The following LMO7 variants were observed in gnomAD, a reference collection of about 807,000 sequenced individuals.
The protein encoded by LMO7 is LIM domain only protein 7.
A neutral mutation model predicts 206.5 loss-of-function variants in LMO7; 120 were observed. The ratio of observed to expected loss-of-function variants is 0.58; its 90% confidence interval spans 0.50 to 0.68. The LOEUF (loss-of-function observed/expected upper bound fraction) is 0.68, where lower values mean the gene tolerates loss of function less well. Ranked by LOEUF, LMO7 falls within the 30% of genes least tolerant of loss-of-function variation. The pLI, the probability that LMO7 is intolerant of heterozygous loss-of-function variation, is 0.00. For synonymous variants in LMO7, 706 were observed against 681.5 expected (o/e 1.04, Z -0.56); for missense variants, 1,959 against 1,957.9 (o/e 1.00, Z -0.01).
chr13:75,788,305 A>G (rs1385615355), intron 4 of LMO7, among the ~76,000 whole-genome samples: 1 of 152,000 alleles, frequency 6.6e-6, no homozygotes, highest in East Asian at 1.9e-4. Context: ...TAAAAATACA[A>G]AAAATTAGCC....
intron 2 of LMO7, among the ~76,000 whole-genome samples, chr13:75,724,551 G>C (rs1268880836): frequency 2.0e-5 from 3 of 152,158 alleles, no homozygotes; most frequent in Admixed American, 1.3e-4. Context: ...ATTATGCAAA[G>C]AAGTTCTATT....
intron 1 of LMO7, among the ~76,000 whole-genome samples, chr13:75,657,855 AACAGATTCTTTGCTTTGATGTC>A (rs2038201666): frequency 6.6e-6 from 1 of 152,136 alleles, no homozygotes; most frequent in African/African-American, 2.4e-5. Flanking sequence ...TTCTTTCTTG[AACAGATTCTTTGCTTTGATGTC>A]ACAGTCAGGC....
chr13:75,786,765 A>T (rs1393400484), intron 4 of LMO7, among the ~76,000 whole-genome samples: 2 of 152,104 alleles, frequency 1.3e-5, no homozygotes, highest in African/African-American at 2.4e-5. Context: ...TCCACTAATT[A>T]CATCTCTAGT....
intron 2 of LMO7, among the ~76,000 whole-genome samples, chr13:75,721,127 A>G (rs1361075785): frequency 6.6e-6 from 1 of 152,226 alleles, no homozygotes; most frequent in Admixed American, 6.5e-5. Flanking sequence ...AGTAGAGAAT[A>G]TCAAGGTTTG....
chr13:75,824,252 A>G (rs2057894018), intron 15 of LMO7, among the ~76,000 whole-genome samples: 2 of 152,176 alleles, frequency 1.3e-5, no homozygotes, highest in African/African-American at 4.8e-5. Flanking sequence ...TGGGTGACAG[A>G]AGCCCTTTCC....
At chr13:75,741,855 A>G (rs919210862) in intron 3 of LMO7, among the ~76,000 whole-genome samples, 6 of 152,198 alleles carry the variant, frequency 3.9e-5, no homozygotes, top group African/African-American at 1.4e-4. Context: ...ACTCCTACTC[A>G]ACATAGTACT....
At chr13:75,677,526 T>C (rs1411435973) in intron 1 of LMO7, among the ~76,000 whole-genome samples, 1 of 152,116 alleles carries the variant, frequency 6.6e-6, no homozygotes, top group Admixed American at 6.5e-5. Context: ...TGAAGTTACA[T>C]AATCCAGCCA....
chr13:75,682,779 A>C (rs1424878812), intron 1 of LMO7, among the ~76,000 whole-genome samples: 1 of 152,200 alleles, frequency 6.6e-6, no homozygotes, highest in East Asian at 1.9e-4. Flanking sequence ...AACGCATGTC[A>C]TATGATTTTG....
At chr13:75,852,182 A>T (rs1240699483) in intron 27 of LMO7, among the ~76,000 whole-genome samples, 6 of 152,216 alleles carry the variant, frequency 3.9e-5, no homozygotes, top group Non-Finnish European at 8.8e-5. Flanking sequence ...TATTTTTCTT[A>T]GTGTATTTCT....
chr13:75,669,405 C>T (rs573215358), intron 1 of LMO7, among the ~76,000 whole-genome samples: 98 of 152,212 alleles, frequency 6.4e-4, no homozygotes, highest in African/African-American at 2.2e-3. Context: ...GTATGTTATC[C>T]GCAAATTAGG....
At chr13:75,763,920 T>C (rs1253584378) in intron 4 of LMO7, among the ~76,000 whole-genome samples, 2 of 152,206 alleles carry the variant, frequency 1.3e-5, no homozygotes, top group East Asian at 3.9e-4. Flanking sequence ...GTTTTCTAGC[T>C]ATCTGAAGTT....
At chr13:75,761,452 G>A (rs79936128) in intron 4 of LMO7, among the ~76,000 whole-genome samples, 6,676 of 152,178 alleles carry the variant, frequency 0.044, 250 homozygotes, top group South Asian at 0.19. Context: ...AAATTAGATA[G>A]GACAGTAGTA....
intron 1 of LMO7, among the ~76,000 whole-genome samples, chr13:75,710,457 A>G (rs1003260098): frequency 3.3e-5 from 5 of 151,956 alleles, no homozygotes; most frequent in African/African-American, 9.7e-5. Flanking sequence ...ATTTGTTTGT[A>G]TCCTCTTTTA....
exon 1 of LMO7, chr13:75,620,498 T>C (rs1022462332): frequency 2.6e-5 from 4 of 152,194 alleles, no homozygotes; most frequent in African/African-American, 9.7e-5. Flanking sequence ...CAAACATTAA[T>C]GAGCATATGA....
chr13:75,852,284 C>T (rs2060561321), intron 27 of LMO7, among the ~76,000 whole-genome samples: 1 of 152,124 alleles, frequency 6.6e-6, no homozygotes, highest in Middle Eastern at 3.2e-3. Flanking sequence ...GGGAGCTAAA[C>T]ATTGAGTACA....
chr13:75,813,861 C>T (rs2056705702), intron 11 of LMO7, among the ~76,000 whole-genome samples: 1 of 152,188 alleles, frequency 6.6e-6, no homozygotes, highest in African/African-American at 2.4e-5. Context: ...ATATTAGCAT[C>T]CTTTTTTGTT....
At chr13:75,838,853 T>A (rs2059359827) in intron 20 of LMO7, among the ~76,000 whole-genome samples, 1 of 152,192 alleles carries the variant, frequency 6.6e-6, no homozygotes, top group South Asian at 2.1e-4. Flanking sequence ...CACGTTTGCC[T>A]AATGCTCTGT....
Position 75,859,327 on chromosome 13 carries a change from C to A in LMO7, c.*1384C>A, listed in dbSNP as rs2061154724. The A allele has an allele frequency of 2.0e-5, 3 of 152,082 alleles. No individual in the cohort carries two copies. 9.4% of individuals were successfully genotyped at this position (152,082 alleles called of 1,614,324 possible). A position where few individuals can be genotyped will look rare whatever the true frequency, so the allele number is the denominator to read the frequency against. On this transcript the variant is annotated 3_prime_UTR_variant, in exon 31 of 31. Transcript: ENST00000377534. ...GGATAACTTGTCAAATGCCCCAAAG[C>A]ATAAAGAATATAATTCTGAATCCCA...
At chr13:75,632,862 G>GTTTTTTTTTTTTTTTTT (rs10690832), upstream of LMO7, among the ~76,000 whole-genome samples, 327 of 102,134 alleles carry the variant, frequency 3.2e-3, 49 homozygotes, top group African/African-American at 9.8e-3. Flanking sequence ...TTACTTAAAA[G>GTTTTTTTTTTTTTTTTT]TTTTTTTTTT....
Sources: allele counts gnomAD v4.1 joint callset (sites outside exome capture counted in the v4.1 genomes callset), GRCh38; gene constraint gnomAD v4.1.1; transcripts MANE v1.5; gene names NCBI Gene and HGNC (gene_info 2026-07-23, HGNC 2026-07-21).